The following ALK variants were observed in gnomAD, a reference collection of about 807,000 sequenced individuals.
The protein encoded by ALK is ALK receptor tyrosine kinase.
In ALK, 74 loss-of-function variants were observed where a neutral mutation model predicts 163.1. The observed-to-expected ratio is 0.45, with a 90% CI of 0.38 to 0.55. The LOEUF (loss-of-function observed/expected upper bound fraction) is 0.55. Among genes scored for constraint, ALK ranks in the 20% least tolerant of loss-of-function variants. The pLI is 0.00. For synonymous variants in ALK, 960 were observed against 843.2 expected (o/e 1.14, Z -2.40); for missense variants, 2,063 against 2,105.3 (o/e 0.98, Z 0.39).
intron 3 of ALK, among the ~76,000 whole-genome samples, chr2:29,568,527 G>C (rs1482485924): frequency 2.0e-5 from 3 of 151,964 alleles, no homozygotes; most frequent in Non-Finnish European, 4.4e-5. Flanking sequence ...GTGTAGGGAG[G>C]GCAGGCTTTT....
At chr2:29,712,309 G>A (rs555909352) in intron 2 of ALK, among the ~76,000 whole-genome samples, 1 of 152,282 alleles carries the variant, frequency 6.6e-6, no homozygotes, top group South Asian at 2.1e-4. Flanking sequence ...ACAGAGGCAT[G>A]AGCTAGGAAA....
intron 3 of ALK, among the ~76,000 whole-genome samples, chr2:29,577,920 A>C (rs1358715730): frequency 6.6e-6 from 1 of 152,120 alleles, no homozygotes; most frequent in African/African-American, 2.4e-5. Context: ...GGTCAGGGGA[A>C]AGTTGAGGGG....
At chr2:29,282,391 G>A (rs1351053349) in intron 9 of ALK, among the ~76,000 whole-genome samples, 2 of 152,202 alleles carry the variant, frequency 1.3e-5, no homozygotes, top group African/African-American at 4.8e-5. Context: ...CTAAGATGAA[G>A]ATGGGAGCTG....
chr2:29,282,003 A>T (rs959609284), intron 9 of ALK, among the ~76,000 whole-genome samples: 11 of 152,188 alleles, frequency 7.2e-5, no homozygotes, highest in Non-Finnish European at 1.6e-4. Flanking sequence ...TCTGATGTGG[A>T]TGGAGGGAAT....
In ALK at chr2:29,785,601, G is replaced by C. The variant is rs1297549505; in HGVS notation, c.668-67904C>G. On this transcript the variant is annotated intron_variant, in intron 1 of 28. Transcript: ENST00000389048. ...GTGAGTTACATGGGCATAAGTCCAT[G>C]TGACTTGCAAAAATGCGTAAAACAA... Among the ~76,000 whole-genome samples, 3 of 152,298 alleles carry C rather than the reference G, an allele frequency of 2.0e-5. No individual in the cohort carries two copies. In the South Asian group the frequency reaches 6.2e-4, roughly 32 times the overall value.
chr2:29,212,180 G>A (rs1283130403), intron 24 of ALK, among the ~76,000 whole-genome samples: 9 of 152,136 alleles, frequency 5.9e-5, no homozygotes, highest in Non-Finnish European at 1.2e-4. Context: ...CAGGTGACGC[G>A]GGTTGCTCTC....
chr2:29,415,205 A>G (rs1489180938), intron 4 of ALK, among the ~76,000 whole-genome samples: 2 of 151,128 alleles, frequency 1.3e-5, no homozygotes, highest in Admixed American at 6.6e-5. Context: ...TAAAGCAAAA[A>G]TAACATCAGG....
At chr2:29,848,613 AGGG>A (rs35181095) in intron 1 of ALK, among the ~76,000 whole-genome samples, 1 of 152,164 alleles carries the variant, frequency 6.6e-6, no homozygotes, top group Admixed American at 6.5e-5. Flanking sequence ...GGATGGAAAG[AGGG>A]GTAGGCTCTC....
chr2:29,695,135 G>C, intron 2 of ALK, 121 bp from the exon 3 acceptor site: 2 of 1,111,474 alleles, frequency 1.8e-6, no homozygotes, highest in South Asian at 1.3e-5. Context: ...CTGTCCAAGG[G>C]AGATCAGTTG....
chr2:29,230,820 G>A (rs565872442), intron 15 of ALK, among the ~76,000 whole-genome samples: 1 of 152,272 alleles, frequency 6.6e-6, no homozygotes, highest in African/African-American at 2.4e-5. Context: ...CCTTAGGCGC[G>A]TTAGGGGCCA....
intron 8 of ALK, among the ~76,000 whole-genome samples, chr2:29,300,842 T>A (rs1289910600): frequency 1.3e-5 from 2 of 152,130 alleles, no homozygotes; most frequent in East Asian, 3.9e-4. Flanking sequence ...AGAGGTTGGG[T>A]GGAGAACTAG....
At chr2:29,603,059 C>T (rs190248877) in intron 3 of ALK, among the ~76,000 whole-genome samples, 6 of 152,104 alleles carry the variant, frequency 3.9e-5, no homozygotes, top group East Asian at 1.9e-4. Flanking sequence ...GGCAATTTGT[C>T]GACAGAGTTA....
chr2:29,392,563 A>T (rs1444205044), intron 4 of ALK, among the ~76,000 whole-genome samples: 1 of 152,136 alleles, frequency 6.6e-6, no homozygotes, highest in Non-Finnish European at 1.5e-5. Flanking sequence ...CTGGACTGGA[A>T]TATGCAGGCT....
intron 3 of ALK, among the ~76,000 whole-genome samples, chr2:29,561,785 T>G (rs759980299): frequency 3.3e-5 from 5 of 152,186 alleles, no homozygotes; most frequent in Non-Finnish European, 5.9e-5. Context: ...CTGAAGCAGT[T>G]GTTCCCAACC....
chr2:29,454,452 T>C (rs1171343521), intron 4 of ALK, among the ~76,000 whole-genome samples: 1 of 152,196 alleles, frequency 6.6e-6, no homozygotes, highest in African/African-American at 2.4e-5. Context: ...TGTTGTATTG[T>C]TACTTTTTAT....
At chr2:29,649,075 A>G (rs1398342666) in intron 3 of ALK, among the ~76,000 whole-genome samples, 1 of 152,122 alleles carries the variant, frequency 6.6e-6, no homozygotes, top group African/African-American at 2.4e-5. Context: ...TTTCCTTTGC[A>G]AGACATACAA....
At chr2:29,456,277 AT>A (rs1350604283) in intron 4 of ALK, among the ~76,000 whole-genome samples, 1 of 152,216 alleles carries the variant, frequency 6.6e-6, no homozygotes, top group Non-Finnish European at 1.5e-5. Context: ...ACCCACGTTC[AT>A]GGCAGCCAAA....
At chr2:29,407,020 T>C (rs938382281) in intron 4 of ALK, among the ~76,000 whole-genome samples, 2 of 152,212 alleles carry the variant, frequency 1.3e-5, no homozygotes, top group African/African-American at 4.8e-5. Context: ...GTTTTGTCCA[T>C]GTATCAGCTG....
At chr2:29,642,349 A>G (rs1177501208) in intron 3 of ALK, among the ~76,000 whole-genome samples, 2 of 152,190 alleles carry the variant, frequency 1.3e-5, no homozygotes, top group Non-Finnish European at 2.9e-5. Context: ...TTTGAATGCA[A>G]TTCGGTTGTC....
Sources: gnomAD v4.1 joint callset for allele counts (sites outside exome capture counted in the v4.1 genomes callset) on GRCh38, gnomAD v4.1.1 for gene constraint, MANE v1.5 for transcripts, NCBI Gene and HGNC (gene_info 2026-07-23, HGNC 2026-07-21) for gene names.